The following FOXN3 variants were observed in gnomAD, a reference collection of about 807,000 sequenced individuals.
FOXN3 encodes forkhead box protein N3.
FOXN3 carries 7 observed loss-of-function variants against 38.4 expected under a neutral mutation model. The observed-to-expected ratio is 0.18, with a 90% CI of 0.10 to 0.34. The LOEUF (loss-of-function observed/expected upper bound fraction) is 0.34, where lower values mean the gene tolerates loss of function less well. FOXN3 is among the 10% of genes least tolerant of loss of function. The pLI is 1.00. For missense variants in FOXN3, 456 were observed against 613.4 expected, an observed-to-expected ratio of 0.74 and a Z score of 2.71; for synonymous variants, 230 against 242.2, an observed-to-expected ratio of 0.95 and a Z score of 0.47.
chr14:89,162,971 T>C lies in FOXN3; in HGVS notation c.852-2A>G. ...ATCCGGCAGCTGGTGATGCCATTCCTGCAGAGCGAGGACAGTGGGGAGGGA... is the reference window on the plus strand; with the variant it reads ...ATCCGGCAGCTGGTGATGCCATTCCCGCAGAGCGAGGACAGTGGGGAGGGA... On this transcript the variant is annotated splice_acceptor_variant, in intron 5 of 5. Coordinates refer to ENST00000557258, the MANE Select transcript of FOXN3 (RefSeq NM_005197.4). LOFTEE classifies it high-confidence loss of function. The surrounding 1 kb of genome is among the most constrained non-coding windows in gnomAD (Gnocchi z 7.2). 6.4e-7 allele frequency: 1 copy of C among 1,552,444 alleles called. No individual in the cohort carries two copies.
intron 1 of FOXN3, among the ~76,000 whole-genome samples, chr14:89,459,176 A>C (rs544436058): frequency 4.6e-5 from 7 of 152,240 alleles, no homozygotes; most frequent in Admixed American, 2.6e-4. Context: ...GAAGAAGAAA[A>C]AAAGGGGAAA....
intron 1 of FOXN3, among the ~76,000 whole-genome samples, chr14:89,531,898 CTTCCAGG>C (rs1028967295): frequency 6.6e-6 from 1 of 152,220 alleles, no homozygotes; most frequent in African/African-American, 2.4e-5. Flanking sequence ...CAACCTCCAC[CTTCCAGG>C]TTCAAGCGAT....
chr14:89,598,264 AATT>A (rs1429155639), intron 1 of FOXN3, among the ~76,000 whole-genome samples: 1 of 152,138 alleles, frequency 6.6e-6, no homozygotes, highest in Non-Finnish European at 1.5e-5. Flanking sequence ...AAAACATAAT[AATT>A]ATTATTTTAT....
intron 5 of FOXN3, among the ~76,000 whole-genome samples, chr14:89,171,165 G>A (rs534665268): frequency 1.5e-4 from 23 of 152,132 alleles, no homozygotes; most frequent in Non-Finnish European, 2.8e-4. Flanking sequence ...AGATGACAAG[G>A]TATATTATGA....
chr14:89,459,208 G>T (rs1259801884), intron 1 of FOXN3, among the ~76,000 whole-genome samples: 1 of 152,132 alleles, frequency 6.6e-6, no homozygotes, highest in Non-Finnish European at 1.5e-5. Context: ...CATTTTAAAT[G>T]ACCTTATGAT....
chr14:89,279,261 C>T (rs926748415), intron 4 of FOXN3, among the ~76,000 whole-genome samples: 31 of 152,242 alleles, frequency 2.0e-4, no homozygotes, highest in Admixed American at 1.4e-3. Flanking sequence ...CCTAGAGCAA[C>T]TGGGGGAATT....
At chr14:89,234,505 T>G (rs1376352257) in intron 4 of FOXN3, among the ~76,000 whole-genome samples, 1 of 151,982 alleles carries the variant, frequency 6.6e-6, no homozygotes, top group Non-Finnish European at 1.5e-5. Context: ...GTGACTGGAT[T>G]AATTAGGGGG....
intron 2 of FOXN3, among the ~76,000 whole-genome samples, chr14:89,382,536 A>T (rs1260715718): frequency 6.6e-6 from 1 of 152,162 alleles, no homozygotes; most frequent in Non-Finnish European, 1.5e-5. Flanking sequence ...ACTCATCTGC[A>T]TTGGCTCAAG....
chr14:89,539,887 C>T (rs1894762712), intron 1 of FOXN3, among the ~76,000 whole-genome samples: 1 of 152,070 alleles, frequency 6.6e-6, no homozygotes, highest in Admixed American at 6.6e-5. Flanking sequence ...ACATAGGCTG[C>T]ATGAGAAAAG....
chr14:89,191,973 T>TCTAAAA, intron 4 of FOXN3, among the ~76,000 whole-genome samples: 1 of 135,192 alleles, frequency 7.4e-6, no homozygotes, highest in Non-Finnish European at 1.5e-5. Context: ...CACATATATA[T>TCTAAAA]AACTATAATA....
At chr14:89,444,045 G>C (rs1596276037) in intron 1 of FOXN3, among the ~76,000 whole-genome samples, 1 of 138,916 alleles carries the variant, frequency 7.2e-6, no homozygotes, top group South Asian at 2.4e-4. Flanking sequence ...CTTGGAAGCA[G>C]ACTATGAAGA....
intron 1 of FOXN3, among the ~76,000 whole-genome samples, chr14:89,602,893 A>C (rs1401514893): frequency 6.6e-6 from 1 of 152,222 alleles, no homozygotes; most frequent in Non-Finnish European, 1.5e-5. Flanking sequence ...GATTTGGGGT[A>C]ATTAAATCCT....
Position 89,156,530 on chromosome 14 carries a change from A to G in FOXN3, c.*5884T>C, listed in dbSNP as rs1330761955. On this transcript the variant is annotated 3_prime_UTR_variant, in exon 6 of 6. Transcript: ENST00000557258. ...AAAAAAAATTGGCTTTTGAAAAATT[A>G]TTACTCTCGTAAATTAATTTGGCCG... 3.3e-5 allele frequency: 5 copies of G among 152,692 alleles called. No homozygotes were observed. In the East Asian group the frequency reaches 7.7e-4, roughly 24 times the overall value. 9.5% of individuals were successfully genotyped at this position (152,692 alleles called of 1,614,324 possible). A position where few individuals can be genotyped will look rare whatever the true frequency, so the allele number is the denominator to read the frequency against.
At position 89,160,881 on chromosome 14, in the gene FOXN3, C is replaced by T. The variant is rs891976431; in HGVS notation, c.*1533G>A. 7.1e-6 allele frequency: 1 copy of T among 141,150 alleles called. No homozygotes were observed. Among genetic ancestry groups the T allele is most frequent in the South Asian group, 2.3e-4 (1 of 4,382 alleles). The allele number at this position is 141,150 out of a possible 1,614,324, so 8.7% of individuals were successfully genotyped here. Reference sequence around the variant, plus strand: ...TTCAAAAAACCAAAACAAAATAACCCGAAAAAAAAACAAAAACAAAAAACA... The same window carrying T: ...TTCAAAAAACCAAAACAAAATAACCTGAAAAAAAAACAAAAACAAAAAACA... On this transcript the variant is annotated 3_prime_UTR_variant, in exon 6 of 6. Transcript: ENST00000557258.
intron 1 of FOXN3, among the ~76,000 whole-genome samples, chr14:89,527,572 T>C (rs1012959084): frequency 3.9e-5 from 6 of 152,110 alleles, no homozygotes; most frequent in Non-Finnish European, 7.3e-5. Context: ...AAGACCTGAA[T>C]AGGAACTTTA....
intron 3 of FOXN3, among the ~76,000 whole-genome samples, chr14:89,310,111 C>T (rs1887489761): frequency 6.6e-6 from 1 of 152,216 alleles, no homozygotes; most frequent in Non-Finnish European, 1.5e-5. Flanking sequence ...CACCCTAGTG[C>T]AGAGTGGGCA....
At chr14:89,456,110 C>T (rs1892716898) in intron 1 of FOXN3, among the ~76,000 whole-genome samples, 1 of 146,310 alleles carries the variant, frequency 6.8e-6, no homozygotes, top group Admixed American at 7.2e-5. Context: ...AGGAGAATTG[C>T]TTGAACCTGG....
chr14:89,215,574 T>C (rs1416913186), intron 4 of FOXN3, among the ~76,000 whole-genome samples: 1 of 152,134 alleles, frequency 6.6e-6, no homozygotes, highest in African/African-American at 2.4e-5. Context: ...TTAAAGAAGG[T>C]GGGGACTTGG....
intron 1 of FOXN3, among the ~76,000 whole-genome samples, chr14:89,433,620 C>T (rs536591613): frequency 1.2e-3 from 187 of 152,030 alleles, no homozygotes; most frequent in Middle Eastern, 0.01. Flanking sequence ...CTGGCCAACA[C>T]GATGAAACTC....
Sources: allele counts gnomAD v4.1 joint callset (sites outside exome capture counted in the v4.1 genomes callset), GRCh38; gene constraint gnomAD v4.1.1; non-coding constraint Gnocchi (gnomAD v3.1); transcripts MANE v1.5; gene names NCBI Gene and HGNC (gene_info 2026-07-23, HGNC 2026-07-21).